The following TMEM132D variants were observed in gnomAD, a reference collection of about 807,000 sequenced individuals.
The protein encoded by TMEM132D is transmembrane protein 132D, also known as mature OL transmembrane protein.
A neutral mutation model predicts 62.3 loss-of-function variants in TMEM132D; 21 were observed. That is an observed-to-expected ratio of 0.34 (90% CI 0.24 to 0.49). The LOEUF (loss-of-function observed/expected upper bound fraction) is 0.49. TMEM132D is among the 20% of genes least tolerant of loss of function. The probability of loss-of-function intolerance (pLI) is 0.99; values close to 1 mark genes in which losing one functional copy is unlikely to be tolerated. For missense variants in TMEM132D, 1,346 were observed against 1,402.8 expected, an observed-to-expected ratio of 0.96 and a Z score of 0.65; for synonymous variants, 621 against 575.6, an observed-to-expected ratio of 1.08 and a Z score of -1.13.
intron 1 of TMEM132D, among the ~76,000 whole-genome samples, chr12:129,887,197 A>AG (rs1874775809): frequency 6.6e-6 from 1 of 152,186 alleles, no homozygotes; most frequent in Non-Finnish European, 1.5e-5. Flanking sequence ...CAGCACTGGC[A>AG]GGAGGAGAGG....
chr12:129,678,247 C>T (rs888441041), intron 2 of TMEM132D, among the ~76,000 whole-genome samples: 1 of 152,070 alleles, frequency 6.6e-6, no homozygotes, highest in Non-Finnish European at 1.5e-5. Flanking sequence ...AGAGTTGTAC[C>T]ATTTGTTTCT....
chr12:129,644,871 A>C (rs1397653078), intron 2 of TMEM132D, among the ~76,000 whole-genome samples: 1 of 149,664 alleles, frequency 6.7e-6, no homozygotes, highest in Non-Finnish European at 1.5e-5. Context: ...CTGTAGTCCC[A>C]GCTACTCGGG....
chr12:129,776,838 GA>G (rs143082916), intron 1 of TMEM132D, among the ~76,000 whole-genome samples: 11,976 of 149,050 alleles, frequency 0.08, 538 homozygotes, highest in South Asian at 0.1. Flanking sequence ...TCTTAAGGAG[GA>G]AAAAAAAGAC....
At chr12:129,758,010 C>A (rs962847323) in intron 1 of TMEM132D, among the ~76,000 whole-genome samples, 3 of 152,198 alleles carry the variant, frequency 2.0e-5, no homozygotes, top group African/African-American at 7.2e-5. Context: ...TCAAGTGATT[C>A]TTCTGCCTCA....
intron 3 of TMEM132D, among the ~76,000 whole-genome samples, chr12:129,507,245 C>T (rs1386070762): frequency 2.0e-5 from 3 of 152,140 alleles, no homozygotes; most frequent in African/African-American, 7.2e-5. Flanking sequence ...ACAGGGAATA[C>T]TTCTACACTG....
At chr12:129,777,812 T>C (rs1870988949) in intron 1 of TMEM132D, among the ~76,000 whole-genome samples, 1 of 152,170 alleles carries the variant, frequency 6.6e-6, no homozygotes, top group Non-Finnish European at 1.5e-5. Context: ...ATAAATTTCA[T>C]TTAATTCAAA....
intron 1 of TMEM132D, among the ~76,000 whole-genome samples, chr12:129,807,214 C>T (rs898337273): frequency 6.6e-6 from 1 of 152,204 alleles, no homozygotes; most frequent in African/African-American, 2.4e-5. Flanking sequence ...CCTGGAGCAG[C>T]TACCCCTGTA....
intron 2 of TMEM132D, among the ~76,000 whole-genome samples, chr12:129,593,123 G>GC: frequency 7.6e-6 from 1 of 131,416 alleles, no homozygotes; most frequent in South Asian, 2.4e-4. Flanking sequence ...ATCACTCTGG[G>GC]GAAAAAAAAG....
At chr12:129,530,737 T>G (rs781465047) in intron 3 of TMEM132D, among the ~76,000 whole-genome samples, 5 of 152,120 alleles carry the variant, frequency 3.3e-5, no homozygotes, top group Non-Finnish European at 5.9e-5. Context: ...CATGCAGAGT[T>G]TCAGTTCCTC....
intron 5 of TMEM132D, among the ~76,000 whole-genome samples, chr12:129,123,912 T>C (rs1876137561): frequency 6.6e-6 from 1 of 152,144 alleles, no homozygotes; most frequent in Non-Finnish European, 1.5e-5. Context: ...TCCCTGTTCT[T>C]GGGCCTTTGG....
In TMEM132D at chr12:129,118,769, G is replaced by A. The variant is rs566581883; in HGVS notation, c.1444-34067C>T. 3.3e-5 allele frequency among the ~76,000 whole-genome samples: 5 copies of A among 152,226 alleles called. No homozygotes were observed. In the South Asian group the frequency reaches 1.0e-3, roughly 32 times the overall value. On this transcript the variant is annotated intron_variant, in intron 5 of 8. Coordinates refer to ENST00000422113, the MANE Select transcript of TMEM132D (RefSeq NM_133448.3). Reference sequence around the variant, plus strand: ...CAGGCAAGAGTCCAAGTCTAACAGAGTGTGTTGCCTTTGCTGTAAGAGTGT... The same window carrying A: ...CAGGCAAGAGTCCAAGTCTAACAGAATGTGTTGCCTTTGCTGTAAGAGTGT...
chr12:129,509,679 T>C (rs12227167), intron 3 of TMEM132D, among the ~76,000 whole-genome samples: 14,438 of 152,106 alleles, frequency 0.095, 843 homozygotes, highest in East Asian at 0.2. Context: ...ATGAGCTCAA[T>C]TGTTTTGATT....
At chr12:129,462,609 G>A (rs1015761251) in intron 3 of TMEM132D, among the ~76,000 whole-genome samples, 4 of 152,130 alleles carry the variant, frequency 2.6e-5, no homozygotes, top group Admixed American at 2.6e-4. Flanking sequence ...TCTGACTATT[G>A]TGGGGGGAGA....
At chr12:129,790,111 C>T (rs368664279) in intron 1 of TMEM132D, among the ~76,000 whole-genome samples, 153 of 152,244 alleles carry the variant, frequency 1.0e-3, no homozygotes, top group Non-Finnish European at 1.8e-3. Flanking sequence ...GGAGGGGGAG[C>T]GCAGGTGAGC....
chr12:129,461,858 G>A (rs1399144688), intron 3 of TMEM132D, among the ~76,000 whole-genome samples: 2 of 152,078 alleles, frequency 1.3e-5, no homozygotes, highest in African/African-American at 4.8e-5. Context: ...ACACATGCAT[G>A]AACACTGTTA....
chr12:129,870,305 G>A (rs1874199573), intron 1 of TMEM132D, among the ~76,000 whole-genome samples: 1 of 152,094 alleles, frequency 6.6e-6, no homozygotes, highest in South Asian at 2.1e-4. Context: ...TGCTAAGGAG[G>A]TGACTCATGG....
chr12:129,483,912 T>C (rs1874504117), intron 3 of TMEM132D, among the ~76,000 whole-genome samples: 1 of 152,218 alleles, frequency 6.6e-6, no homozygotes, highest in South Asian at 2.1e-4. Flanking sequence ...CCAAAACATA[T>C]GTATACAAAC....
At chr12:129,137,798 G>T (rs1358835924) in intron 5 of TMEM132D, among the ~76,000 whole-genome samples, 2 of 152,156 alleles carry the variant, frequency 1.3e-5, no homozygotes, top group Non-Finnish European at 2.9e-5. Flanking sequence ...TGCTAAAGAT[G>T]GTGCTGCAGA....
chr12:129,871,833 A>G (rs144982162), intron 1 of TMEM132D, among the ~76,000 whole-genome samples: 2 of 152,332 alleles, frequency 1.3e-5, no homozygotes, highest in East Asian at 3.9e-4. Context: ...GGAAGTTCCA[A>G]GCCAGTCTCT....
Sources: allele counts gnomAD v4.1 joint callset (sites outside exome capture counted in the v4.1 genomes callset), GRCh38; gene constraint gnomAD v4.1.1; transcripts MANE v1.5; gene names NCBI Gene and HGNC (gene_info 2026-07-23, HGNC 2026-07-21).